The following GALNTL6 variants were observed in gnomAD, a reference collection of about 807,000 sequenced individuals.
GALNTL6 encodes the protein polypeptide N-acetylgalactosaminyltransferase-like 6.
GALNTL6 carries 46 observed loss-of-function variants against 73.7 expected under a neutral mutation model. That is an observed-to-expected ratio of 0.62 (90% CI 0.49 to 0.80). The LOEUF (loss-of-function observed/expected upper bound fraction) is 0.80, where lower values mean the gene tolerates loss of function less well. Among genes scored for constraint, GALNTL6 ranks in the 30% least tolerant of loss-of-function variants. GALNTL6 has a pLI of 0.00. For synonymous variants in GALNTL6, 259 were observed against 263.7 expected, an observed-to-expected ratio of 0.98 and a Z score of 0.17; for missense variants, 604 against 755.0, an observed-to-expected ratio of 0.80 and a Z score of 2.34.
chr4:172,635,958 G>A (rs1286034930), intron 5 of GALNTL6, among the ~76,000 whole-genome samples: 1 of 152,096 alleles, frequency 6.6e-6, no homozygotes, highest in African/African-American at 2.4e-5. Context: ...AAAAGCTATG[G>A]ATTTCAGATT....
chr4:172,027,710 A>G (rs1300376568), intron 2 of GALNTL6, among the ~76,000 whole-genome samples: 1 of 152,168 alleles, frequency 6.6e-6, no homozygotes, highest in African/African-American at 2.4e-5. Context: ...GCCAAAAGCT[A>G]GGTCTTCTGT....
At chr4:172,909,661 T>A (rs1362375301) in intron 8 of GALNTL6, among the ~76,000 whole-genome samples, 1 of 152,106 alleles carries the variant, frequency 6.6e-6, no homozygotes, top group Non-Finnish European at 1.5e-5. Flanking sequence ...ATAGACACTT[T>A]CAAATACAGT....
At chr4:172,434,835 C>G (rs1251826018) in intron 5 of GALNTL6, among the ~76,000 whole-genome samples, 3 of 152,172 alleles carry the variant, frequency 2.0e-5, no homozygotes, top group African/African-American at 7.2e-5. Context: ...CCTCTATATA[C>G]TTTCTGATCT....
chr4:173,020,443 G>T (rs1752947774), intron 11 of GALNTL6, among the ~76,000 whole-genome samples: 1 of 152,178 alleles, frequency 6.6e-6, no homozygotes, highest in Non-Finnish European at 1.5e-5. Flanking sequence ...ATTAAACTCA[G>T]TAAAGGTAAA....
intron 3 of GALNTL6, among the ~76,000 whole-genome samples, chr4:172,309,697 T>C (rs1048242653): frequency 2.0e-5 from 3 of 152,042 alleles, no homozygotes; most frequent in African/African-American, 4.8e-5. Context: ...ATATTATTAT[T>C]TGAAGTAAAC....
intron 5 of GALNTL6, among the ~76,000 whole-genome samples, chr4:172,398,704 A>G (rs969687603): frequency 6.6e-6 from 1 of 152,346 alleles, no homozygotes; most frequent in South Asian, 2.1e-4. Flanking sequence ...ACTATAATAT[A>G]TCAACTCTAC....
intron 3 of GALNTL6, among the ~76,000 whole-genome samples, chr4:172,281,437 G>A (rs1739051715): frequency 6.6e-6 from 1 of 152,138 alleles, no homozygotes; most frequent in South Asian, 2.1e-4. Flanking sequence ...GTTCACGCCT[G>A]TAATCCGAGC....
At chr4:172,271,052 A>G (rs1313257674) in intron 3 of GALNTL6, among the ~76,000 whole-genome samples, 2 of 152,146 alleles carry the variant, frequency 1.3e-5, no homozygotes, top group Non-Finnish European at 2.9e-5. Flanking sequence ...AGGATTTCTC[A>G]TGTTTCAGGG....
At chr4:172,637,638 G>A (rs1360478491) in intron 5 of GALNTL6, among the ~76,000 whole-genome samples, 1 of 152,102 alleles carries the variant, frequency 6.6e-6, no homozygotes, top group Admixed American at 6.6e-5. Context: ...ATTCTACAAA[G>A]TGTGGTGAAA....
intron 5 of GALNTL6, among the ~76,000 whole-genome samples, chr4:172,696,729 C>T (rs1733719831): frequency 6.6e-6 from 1 of 152,142 alleles, no homozygotes; most frequent in Non-Finnish European, 1.5e-5. Context: ...AACTGTGAGT[C>T]CATTAAATCT....
intron 5 of GALNTL6, among the ~76,000 whole-genome samples, chr4:172,445,829 G>A (rs1304576942): frequency 2.0e-5 from 3 of 152,046 alleles, no homozygotes; most frequent in Non-Finnish European, 4.4e-5. Context: ...TAAATTTTTT[G>A]TCAGAAAAGG....
intron 5 of GALNTL6, among the ~76,000 whole-genome samples, chr4:172,450,868 T>C (rs1041067607): frequency 6.6e-6 from 1 of 152,238 alleles, no homozygotes; most frequent in Non-Finnish European, 1.5e-5. Context: ...TAGACTCCAG[T>C]CATTCTCTCA....
intron 5 of GALNTL6, among the ~76,000 whole-genome samples, chr4:172,673,261 T>C (rs537827648): frequency 6.6e-6 from 1 of 152,042 alleles, no homozygotes; most frequent in South Asian, 2.1e-4. Flanking sequence ...GGTTATTCAA[T>C]TTTCATGTAA....
chr4:172,867,824 G>A (rs1284477026), intron 7 of GALNTL6, among the ~76,000 whole-genome samples: 1 of 152,200 alleles, frequency 6.6e-6, no homozygotes, highest in Non-Finnish European at 1.5e-5. Flanking sequence ...ACCACACAGG[G>A]AGGAAAGCAT....
intron 5 of GALNTL6, among the ~76,000 whole-genome samples, chr4:172,804,396 A>G (rs1179697340): frequency 1.3e-5 from 2 of 152,212 alleles, no homozygotes; most frequent in African/African-American, 2.4e-5. Flanking sequence ...GCCAACACCA[A>G]TGTATAAACA....
intron 2 of GALNTL6, among the ~76,000 whole-genome samples, chr4:171,906,577 T>G (rs1194889155): frequency 6.6e-6 from 1 of 152,218 alleles, no homozygotes; most frequent in Non-Finnish European, 1.5e-5. Context: ...AAGGAGGAAC[T>G]GGTGCCATTC....
intron 7 of GALNTL6, among the ~76,000 whole-genome samples, chr4:172,860,194 T>C (rs1038154876): frequency 1.3e-5 from 2 of 152,214 alleles, no homozygotes; most frequent in African/African-American, 4.8e-5. Context: ...GTGTTGCACA[T>C]ATATTGTTCA....
intron 3 of GALNTL6, among the ~76,000 whole-genome samples, chr4:172,292,697 T>C (rs901110876): frequency 6.6e-6 from 1 of 152,120 alleles, no homozygotes; most frequent in East Asian, 1.9e-4. Flanking sequence ...AAAATGTTGG[T>C]ATAAAGACAG....
intron 5 of GALNTL6, chr4:172,545,577 T>G (rs1383837746): frequency 1.3e-5 from 2 of 152,258 alleles, no homozygotes; most frequent in East Asian, 1.9e-4. Flanking sequence ...AATTCTTCCC[T>G]TATCCTTCTG....
Sources: gnomAD v4.1 joint callset for allele counts (sites outside exome capture counted in the v4.1 genomes callset) on GRCh38, gnomAD v4.1.1 for gene constraint, MANE v1.5 for transcripts, NCBI Gene and HGNC (gene_info 2026-07-23, HGNC 2026-07-21) for gene names.